Variants in GULP1 observed in about 807,000 individuals in gnomAD.
GULP1 encodes the protein GULP PTB domain containing engulfment adaptor 1.
Under a neutral mutation model 40.9 loss-of-function variants are expected in GULP1, and 19 were observed. The ratio of observed to expected loss-of-function variants is 0.46; its 90% confidence interval spans 0.32 to 0.68. The LOEUF is 0.68. Among genes scored for constraint, GULP1 ranks in the 30% least tolerant of loss-of-function variants. The probability of loss-of-function intolerance (pLI) is 0.03; values close to 1 mark genes in which losing one functional copy is unlikely to be tolerated. For missense variants in GULP1, 312 were observed against 362.2 expected (o/e 0.86, Z 1.12); for synonymous variants, 119 against 117.6 (o/e 1.01, Z -0.08).
chr2:188,502,924 T>C (rs937846239), intron 4 of GULP1, among the ~76,000 whole-genome samples: 2 of 152,054 alleles, frequency 1.3e-5, no homozygotes, highest in East Asian at 3.9e-4. Flanking sequence ...TCTTGAACTC[T>C]GTGTGCTCCA....
chr2:188,415,694 T>A (rs567017976), intron 2 of GULP1, among the ~76,000 whole-genome samples: 1 of 152,238 alleles, frequency 6.6e-6, no homozygotes, highest in African/African-American at 2.4e-5. Flanking sequence ...AATTTTCTGA[T>A]TGTAAGTCCA....
chr2:188,467,365 G>A (rs1276697315), intron 2 of GULP1, among the ~76,000 whole-genome samples: 2 of 151,986 alleles, frequency 1.3e-5, no homozygotes, highest in Non-Finnish European at 2.9e-5. Context: ...TACAGTTTGA[G>A]ATTTTTCATA....
chr2:188,411,641 G>A (rs900438639), intron 2 of GULP1, among the ~76,000 whole-genome samples: 1 of 152,160 alleles, frequency 6.6e-6, no homozygotes, highest in African/African-American at 2.4e-5. Context: ...ACCACTAAGA[G>A]AATTTCATCC....
chr2:188,399,632 T>A (rs1182316673), intron 2 of GULP1, among the ~76,000 whole-genome samples: 1 of 144,846 alleles, frequency 6.9e-6, no homozygotes, highest in Non-Finnish European at 1.5e-5. Flanking sequence ...GATGGGAGGA[T>A]TGCTTGAGGC....
chr2:188,582,338 C>T (rs1216010565), intron 9 of GULP1: 2 of 470,730 alleles, frequency 4.2e-6, no homozygotes, highest in Non-Finnish European at 8.8e-6. Context: ...CATTCCTTTA[C>T]AGCTGCTGCA....
intron 1 of GULP1, among the ~76,000 whole-genome samples, chr2:188,320,062 T>C (rs1305031169): frequency 6.6e-6 from 1 of 152,084 alleles, no homozygotes; most frequent in Non-Finnish European, 1.5e-5. Flanking sequence ...CCCCTAGTTG[T>C]GATAAGGCAA....
chr2:188,334,531 C>T (rs898535136), intron 1 of GULP1, among the ~76,000 whole-genome samples: 23 of 152,124 alleles, frequency 1.5e-4, no homozygotes, highest in African/African-American at 5.3e-4. Context: ...CAAAGGAAGC[C>T]TTCTCAGGTT....
chr2:188,483,470 AT>A lies in GULP1; in HGVS notation c.71del (p.Phe24SerfsTer23). On this transcript the variant is annotated frameshift_variant, in exon 4 of 12. Coordinates refer to ENST00000409830, the MANE Select transcript of GULP1 (RefSeq NM_016315.4). LOFTEE classifies it high-confidence loss of function. ...WMHTPEALSK[H>X]FIPYNAKFLG... ...CATACACCTGAAGCTTTATCAAAAC[AT>A]TTCATTCCCTATAATGCAAAGGTAA... 1 of 1,498,564 alleles carries A rather than the reference AT, an allele frequency of 6.7e-7. No homozygotes were observed. Among genetic ancestry groups the A allele is most frequent in the Non-Finnish European group, 9.2e-7 (1 of 1,083,212 alleles). 92.8% of individuals were successfully genotyped at this position (1,498,564 alleles called of 1,614,324 possible).
intron 2 of GULP1, among the ~76,000 whole-genome samples, chr2:188,458,643 T>G (rs1340714805): frequency 6.6e-6 from 1 of 152,192 alleles, no homozygotes; most frequent in African/African-American, 2.4e-5. Context: ...AAATAGGCTA[T>G]CCATCCCTTC....
chr2:188,333,872 A>C (rs1461024132), intron 1 of GULP1, among the ~76,000 whole-genome samples: 1 of 152,150 alleles, frequency 6.6e-6, no homozygotes, highest in African/African-American at 2.4e-5. Context: ...TATAATAAGC[A>C]GCTTAGACCC....
At chr2:188,296,564 T>A (rs1432334434) in intron 1 of GULP1, among the ~76,000 whole-genome samples, 1 of 116,548 alleles carries the variant, frequency 8.6e-6, no homozygotes. Context: ...TGTCTTTCAG[T>A]GTAGTATACT....
intron 1 of GULP1, among the ~76,000 whole-genome samples, chr2:188,331,499 T>C (rs1310604988): frequency 6.6e-6 from 1 of 152,222 alleles, no homozygotes; most frequent in Non-Finnish European, 1.5e-5. Context: ...AAGTTGAATA[T>C]TCCAGAACTC....
intron 2 of GULP1, among the ~76,000 whole-genome samples, chr2:188,439,656 G>C (rs964778138): frequency 2.6e-5 from 4 of 152,104 alleles, no homozygotes; most frequent in African/African-American, 7.2e-5. Flanking sequence ...TCAGTGGTAA[G>C]GACATGACTC....
intron 1 of GULP1, among the ~76,000 whole-genome samples, chr2:188,349,709 TG>T (rs937288730): frequency 2.6e-5 from 4 of 152,208 alleles, no homozygotes; most frequent in Non-Finnish European, 4.4e-5. Context: ...TATATTTTGA[TG>T]AAAATATTTG....
At chr2:188,377,326 G>A (rs916714183) in intron 1 of GULP1, among the ~76,000 whole-genome samples, 5 of 152,020 alleles carry the variant, frequency 3.3e-5, no homozygotes, top group Admixed American at 6.6e-5. Context: ...TTTATGTGTC[G>A]GGCTATATGA....
chr2:188,337,850 T>G (rs990571512), intron 1 of GULP1, among the ~76,000 whole-genome samples: 11 of 152,110 alleles, frequency 7.2e-5, no homozygotes, highest in African/African-American at 2.7e-4. Flanking sequence ...ACATTGTTTG[T>G]GAGTAAGAAC....
chr2:188,302,907 CCTG>C (rs1278703592), intron 1 of GULP1, among the ~76,000 whole-genome samples: 15 of 152,162 alleles, frequency 9.9e-5, no homozygotes, highest in Non-Finnish European at 1.5e-5. Context: ...TGTCTTACAT[CCTG>C]CTATTTGGCT....
chr2:188,576,486 A>G (rs1700204131), intron 9 of GULP1, among the ~76,000 whole-genome samples: 3 of 152,174 alleles, frequency 2.0e-5, no homozygotes, highest in Admixed American at 1.3e-4. Flanking sequence ...CATATGCATG[A>G]TAAATGGAGA....
chr2:188,460,728 A>C (rs1292820261), intron 2 of GULP1, among the ~76,000 whole-genome samples: 3 of 152,074 alleles, frequency 2.0e-5, no homozygotes, highest in Non-Finnish European at 4.4e-5. Flanking sequence ...TGTTGTGTTC[A>C]GATTTCAGGG....
Sources: gnomAD v4.1 joint callset for allele counts (sites outside exome capture counted in the v4.1 genomes callset) on GRCh38, gnomAD v4.1.1 for gene constraint, MANE v1.5 for transcripts, NCBI Gene and HGNC (gene_info 2026-07-23, HGNC 2026-07-21) for gene names.